ANO7: variants seen among roughly 807,000 people sequenced by gnomAD.
ANO7 encodes anoctamin-7.
Under a neutral mutation model 115.8 loss-of-function variants are expected in ANO7, and 114 were observed. The observed-to-expected ratio is 0.98, with a 90% CI of 0.85 to 1.15. The LOEUF is 1.15. ANO7 is among the 50% of genes most tolerant of loss of function. The pLI is 0.00. For synonymous variants in ANO7, 550 were observed against 498.2 expected (o/e 1.10, Z -1.38); for missense variants, 1,302 against 1,201.2 (o/e 1.08, Z -1.24).
At chr2:241,236,824 C>T in the ANO7 span, 1 of 1,582,696 alleles carries the variant, frequency 6.3e-7, no homozygotes, top group Non-Finnish European at 8.6e-7. Context: ...GACCCCACAC[C>T]TTGTTCAGAA....
chr2:241,222,825 A>C (rs1406973119), intron 21 of ANO7, among the ~76,000 whole-genome samples: 1 of 152,152 alleles, frequency 6.6e-6, no homozygotes, highest in Non-Finnish European at 1.5e-5. Flanking sequence ...AGAGGTCAGC[A>C]ATCGGCGGAT....
the ANO7 span, chr2:241,235,763 A>G: frequency 3.4e-6 from 2 of 580,224 alleles, no homozygotes; most frequent in Non-Finnish European, 6.1e-6. Flanking sequence ...AAGAATAGGA[A>G]AAGATTTGCA....
chr2:241,238,551 G>A, the ANO7 span: 10 of 975,062 alleles, frequency 1.0e-5, no homozygotes, highest in Non-Finnish European at 1.5e-6. The surrounding 1 kb of genome is among the most constrained non-coding windows in gnomAD (Gnocchi z 4.9). Context: ...TTTTCCAGCA[G>A]AGACAGGAAA....
intron 10 of ANO7, among the ~76,000 whole-genome samples, chr2:241,206,564 AGG>A (rs2068595130): frequency 2.6e-5 from 1 of 39,162 alleles, no homozygotes; most frequent in Non-Finnish European, 4.6e-5. Context: ...CCAGGCTGAC[AGG>A]TGGACAGGAG....
intron 19 of ANO7, 89 bp from the exon 20 acceptor site, chr2:241,217,597 G>C (rs2068862740): frequency 1.4e-6 from 2 of 1,423,168 alleles, no homozygotes; most frequent in Admixed American, 2.0e-5. Flanking sequence ...GCGGCACCAC[G>C]TGGACTGGCC....
At position 241,218,293 on chromosome 2, in the gene ANO7, A is replaced by G. The variant is rs1477748825; in HGVS notation, c.2233A>G (p.Thr745Ala). The change falls in exon 21 of 25, where the codon ACC becomes GCC. Residue 745 changes from threonine to alanine, a missense_variant. Thr to Ala is a moderately conservative substitution (Grantham distance 58). Transcript: ENST00000674324. ...CCTGCCGCGCGCCTACTACCGGTGG[A>G]CCCGCGCCCACGACCTGCGCGGCTT... is the stretch of plus-strand genomic sequence containing the variant. ...DFLPRAYYRW[T>A]RAHDLRGFLN... is the part of the protein sequence containing the mutation. 1.2e-5 allele frequency: 18 copies of G among 1,534,748 alleles called. No individual in the cohort carries two copies. Among genetic ancestry groups the G allele is most frequent in the Non-Finnish European group, 1.4e-5 (16 of 1,148,604 alleles).
intron 5 of ANO7, 41 bp from the exon 6 acceptor site, chr2:241,200,048 T>G (rs781141040): frequency 1.9e-6 from 3 of 1,602,142 alleles, no homozygotes; most frequent in Admixed American, 1.7e-5. Flanking sequence ...GCATTTGCCC[T>G]CCTCCCGGGA....
At chr2:241,196,147 T>A (rs1574760869) in intron 4 of ANO7, 2 of 1,327,370 alleles carry the variant, frequency 1.5e-6, no homozygotes, top group Non-Finnish European at 1.9e-6. Flanking sequence ...TCTCCAACAT[T>A]AAAGCTTTTG....
the ANO7 span, chr2:241,238,576 T>C: frequency 1.7e-6 from 2 of 1,195,946 alleles, no homozygotes; most frequent in Non-Finnish European, 2.3e-6. This position sits in a 1 kb window ranked among gnomAD's most constrained non-coding sequence, Gnocchi z 4.9. Flanking sequence ...CTCACCAGTA[T>C]GTGCGACAGC....
rs375976665 is a variant in ANO7 at position 241,219,964 on chromosome 2, G to A, written c.2321+1583G>A. ...CTGTGTATGACTAGGATCTTCACAT[G>A]CCTTACCACCTAGTAAGCAGCAATC... On this transcript the variant is annotated intron_variant, in intron 21 of 24. Coordinates refer to ENST00000674324, the MANE Select transcript of ANO7 (RefSeq NM_001370694.2). Among the ~76,000 whole-genome samples, 49 of 152,244 alleles carry A rather than the reference G, an allele frequency of 3.2e-4. No homozygotes were observed. The South Asian group carries it at 0.01, about 32-fold the overall frequency.
intron 21 of ANO7, among the ~76,000 whole-genome samples, 199 bp from the exon 22 acceptor site, chr2:241,222,987 C>G (rs890628437): frequency 6.6e-6 from 1 of 152,150 alleles, no homozygotes; most frequent in Admixed American, 6.5e-5. Flanking sequence ...ACCTTTGGAA[C>G]CCACCAGTTA....
At chr2:241,204,783 G>T in intron 9 of ANO7, 82 bp from the exon 10 acceptor site, 1 of 1,063,944 alleles carries the variant, frequency 9.4e-7, no homozygotes. Context: ...GTCCCTAGGG[G>T]ACAAGCATGG....
the ANO7 span, chr2:241,239,877 C>T: frequency 3.9e-5 from 63 of 1,612,424 alleles, no homozygotes; most frequent in Middle Eastern, 6.6e-4. The surrounding 1 kb of genome is among the most constrained non-coding windows in gnomAD (Gnocchi z 4.6). Flanking sequence ...CCAGCAGAGT[C>T]GGCCGCCGAG....
rs111236002 is a variant in ANO7, at chr2:241,202,098, C to T, written c.613-96C>T. 7.5e-3 allele frequency: 7,488 copies of T among 1,000,650 alleles called. 302 individuals are homozygous for T. In the African/African-American group the frequency reaches 0.099, roughly 13 times the overall value. The allele number at this position is 1,000,650 out of a possible 1,614,324, so 62.0% of individuals were successfully genotyped here. A position where few individuals can be genotyped will look rare whatever the true frequency, so the allele number is the denominator to read the frequency against. ...TTGTCACCAGAAGGCTGAGGGAGGC[C>T]GTCCATGGCCTTGGCCTAAAGACAG... is the stretch of plus-strand genomic sequence containing the variant. On this transcript the variant is annotated intron_variant, in intron 7 of 24. Transcript: ENST00000674324.
chr2:241,226,907 GCACCCCC>G (rs2069197032), downstream of ANO7, among the ~76,000 whole-genome samples: 1 of 151,896 alleles, frequency 6.6e-6, no homozygotes, highest in African/African-American at 2.4e-5. Flanking sequence ...GCCTCCGCCC[GCACCCCC>G]CACCACCCAA....
downstream of ANO7, chr2:241,227,261 G>A (rs1048262635): frequency 1.2e-4 from 19 of 152,522 alleles, no homozygotes; most frequent in African/African-American, 4.3e-4. Flanking sequence ...ACAGGCGGCA[G>A]CGTGACAAAA....
intron 21 of ANO7, 23 bp downstream of exon 21, chr2:241,218,404 G>C (rs1186232920): frequency 1.5e-6 from 2 of 1,306,932 alleles, no homozygotes; most frequent in Non-Finnish European, 2.0e-6. Context: ...CCAGGTGGAG[G>C]GGGCCGCGGG....
intron 22 of ANO7, 50 bp from the exon 23 acceptor site, chr2:241,223,612 A>G (rs774260569): frequency 1.9e-6 from 3 of 1,596,958 alleles, no homozygotes; most frequent in Admixed American, 1.7e-5. Context: ...GGCCCTGTGA[A>G]GGCCACTCTG....
downstream of ANO7, chr2:241,228,711 C>T (rs1050865645): frequency 2.0e-5 from 3 of 152,984 alleles, no homozygotes; most frequent in Non-Finnish European, 2.9e-5. Flanking sequence ...GGCAACTGAA[C>T]ACACAGCAGC....
Sources: gnomAD v4.1 joint callset for allele counts (sites outside exome capture counted in the v4.1 genomes callset) on GRCh38, gnomAD v4.1.1 for gene constraint, Gnocchi (gnomAD v3.1) non-coding constraint, MANE v1.5 for transcripts, NCBI Gene and HGNC (gene_info 2026-07-23, HGNC 2026-07-21) for gene names.